The following CAMTA1 variants were observed in gnomAD, a reference collection of about 807,000 sequenced individuals.
CAMTA1 encodes the protein calmodulin-binding transcription activator 1.
Under a neutral mutation model 170.9 loss-of-function variants are expected in CAMTA1, and 27 were observed. The observed-to-expected ratio is 0.16, with a 90% CI of 0.12 to 0.22. The LOEUF (loss-of-function observed/expected upper bound fraction) is 0.22. Ranked by LOEUF, CAMTA1 falls within the 10% of genes least tolerant of loss-of-function variation. The pLI, the probability that CAMTA1 is intolerant of heterozygous loss-of-function variation, is 1.00. For synonymous variants in CAMTA1, 833 were observed against 891.5 expected, an observed-to-expected ratio of 0.93 and a Z score of 1.17; for missense variants, 1,619 against 2,217.2, an observed-to-expected ratio of 0.73 and a Z score of 5.42.
intron 4 of CAMTA1, among the ~76,000 whole-genome samples, chr1:7,227,606 G>A (rs1477374324): frequency 1.3e-5 from 2 of 152,214 alleles, no homozygotes; most frequent in Non-Finnish European, 2.9e-5. Context: ...TGGGATTACA[G>A]GCATGAGCCA....
At chr1:6,926,272 G>C (rs905872007) in intron 3 of CAMTA1, among the ~76,000 whole-genome samples, 2 of 151,758 alleles carry the variant, frequency 1.3e-5, no homozygotes, top group African/African-American at 4.8e-5. Context: ...TGTACTCCAA[G>C]TGCCTCAGTG....
intron 5 of CAMTA1, among the ~76,000 whole-genome samples, chr1:7,284,168 CTTCTTCTTCTTATTATTATTA>C (rs1369180046): frequency 1.3e-3 from 155 of 117,008 alleles, no homozygotes; most frequent in African/African-American, 4.4e-3. Flanking sequence ...TCTTCTTCTT[CTTCTTCTTCTTATTATTATTA>C]TTATTATTAT....
At chr1:7,160,498 C>T (rs1353695629) in intron 4 of CAMTA1, among the ~76,000 whole-genome samples, 1 of 152,022 alleles carries the variant, frequency 6.6e-6, no homozygotes, top group Non-Finnish European at 1.5e-5. Context: ...CAGACTCTTC[C>T]CTAGGCCCTC....
chr1:7,672,157 G>A lies in CAMTA1; in HGVS notation c.2779+1120G>A, dbSNP rs148867126. On this transcript the variant is annotated intron_variant, in intron 10 of 22. Transcript: ENST00000303635. ...GGGAGACCCACCCCTGTCCTCTAAC[G>A]TCAGGGAGCCTAGAAAGGAGAGAAG... The A allele has an allele frequency of 3.5e-3, 1,522 of 434,852 alleles. 4 individuals are homozygous for A. The highest frequency in any genetic ancestry group is 5.1e-3 in the Admixed American group (203 of 39,504). 26.9% of individuals were successfully genotyped at this position (434,852 alleles called of 1,614,324 possible). A position where few individuals can be genotyped will look rare whatever the true frequency, so the allele number is the denominator to read the frequency against.
chr1:7,682,369 G>C lies in CAMTA1; in HGVS notation c.2914+4636G>C, dbSNP rs1289267370. Among the ~76,000 whole-genome samples the C allele has an allele frequency of 6.6e-6, 1 of 152,248 alleles. No homozygotes were observed. Among genetic ancestry groups the C allele is most frequent in the Non-Finnish European group, 1.5e-5 (1 of 68,050 alleles). On this transcript the variant is annotated intron_variant, in intron 11 of 22. Transcript: ENST00000303635. The surrounding 1 kb of genome is among the most constrained non-coding windows in gnomAD (Gnocchi z 5.0). ...GCCTGGCCCTGGGGTAGGTGTCTGG[G>C]AAGACTGAGAGCCTCGCTCCTGTCT...
chr1:7,481,303 G>A (rs1040863779), intron 6 of CAMTA1, among the ~76,000 whole-genome samples: 5 of 152,194 alleles, frequency 3.3e-5, no homozygotes, highest in African/African-American at 1.2e-4. Context: ...CTGAAGACCT[G>A]TACCCTTGAC....
intron 3 of CAMTA1, among the ~76,000 whole-genome samples, chr1:7,059,799 A>G (rs1007721296): frequency 2.6e-5 from 4 of 152,220 alleles, no homozygotes; most frequent in African/African-American, 7.2e-5. Flanking sequence ...GGTGGTATTT[A>G]TTGAACTTTT....
At chr1:7,332,328 C>T (rs1001713248) in intron 5 of CAMTA1, among the ~76,000 whole-genome samples, 2 of 152,086 alleles carry the variant, frequency 1.3e-5, no homozygotes, top group Non-Finnish European at 1.5e-5. Flanking sequence ...TATGTTTTGT[C>T]GGTAAACAAA....
At chr1:6,804,421 T>C (rs1644274227) in intron 1 of CAMTA1, among the ~76,000 whole-genome samples, 1 of 152,156 alleles carries the variant, frequency 6.6e-6, no homozygotes, top group African/African-American at 2.4e-5. Flanking sequence ...ATTTACATGT[T>C]TCGTGCAACT....
At chr1:7,722,087 C>T (rs1558219119) in intron 11 of CAMTA1, among the ~76,000 whole-genome samples, 2 of 152,174 alleles carry the variant, frequency 1.3e-5, no homozygotes, top group Non-Finnish European at 2.9e-5. Flanking sequence ...CCTGGGAAAT[C>T]TGGCTAGGAG....
intron 5 of CAMTA1, among the ~76,000 whole-genome samples, chr1:7,355,218 AAAAAAG>A (rs1312639319): frequency 2.2e-4 from 33 of 151,460 alleles, no homozygotes; most frequent in African/African-American, 7.0e-4. Context: ...AAAAAAAAAA[AAAAAAG>A]AAAGAAAAAA....
intron 3 of CAMTA1, among the ~76,000 whole-genome samples, chr1:6,875,461 T>A (rs2149021736): frequency 6.6e-6 from 1 of 152,206 alleles, no homozygotes; most frequent in East Asian, 1.9e-4. Context: ...TTTTTTGTAT[T>A]TTTAGTAGAA....
intron 4 of CAMTA1, among the ~76,000 whole-genome samples, chr1:7,200,404 A>G (rs1656438770): frequency 6.6e-6 from 1 of 152,246 alleles, no homozygotes; most frequent in African/African-American, 2.4e-5. Flanking sequence ...TCCCTTACAG[A>G]AATTTCAACA....
At chr1:6,903,574 C>G (rs1677610563) in intron 3 of CAMTA1, among the ~76,000 whole-genome samples, 1 of 152,184 alleles carries the variant, frequency 6.6e-6, no homozygotes, top group African/African-American at 2.4e-5. Context: ...AGGAAAGACT[C>G]AGCTTGTGAT....
chr1:7,514,161 G>C (rs568430812), intron 6 of CAMTA1, among the ~76,000 whole-genome samples: 43 of 152,348 alleles, frequency 2.8e-4, no homozygotes, highest in African/African-American at 9.6e-4. Context: ...CCCAGAGAGG[G>C]AACAGTCCCT....
rs78560463 is a variant in CAMTA1 at position 7,067,714 on chromosome 1, G to A, written c.235-23590G>A. The stretch of plus-strand genomic sequence containing the variant: ...TGATGGTTTCCCCAATAGCATTCCC[G>A]TCTTATTTCTTGCCGACAGGACCTT... On this transcript the variant is annotated intron_variant, in intron 3 of 22. Coordinates refer to ENST00000303635, the MANE Select transcript of CAMTA1 (RefSeq NM_015215.4). This position sits in a 1 kb window ranked among gnomAD's most constrained non-coding sequence, Gnocchi z 4.3. 1.4e-4 allele frequency among the ~76,000 whole-genome samples: 21 copies of A among 152,238 alleles called. No homozygotes were observed. Among genetic ancestry groups the A allele is most frequent in the South Asian group, 1.0e-3 (5 of 4,818 alleles).
Position 7,635,371 on chromosome 1 carries a change from G to A in CAMTA1, c.511-5029G>A, listed in dbSNP as rs753081072. ...GCCTGTAATCCCAGCACTTTGGAAG[G>A]CCGAGGCAGGCAGATCACGAGATCG... On this transcript the variant is annotated intron_variant, in intron 6 of 22. Transcript: ENST00000303635. The surrounding 1 kb of genome is among the most constrained non-coding windows in gnomAD (Gnocchi z 4.4). Among the ~76,000 whole-genome samples, 1 of 152,104 alleles carries A rather than the reference G, an allele frequency of 6.6e-6. No individual in the cohort carries two copies. Among genetic ancestry groups the A allele is most frequent in the Non-Finnish European group, 1.5e-5 (1 of 68,012 alleles).
rs764656349 is a variant in CAMTA1, at chr1:7,736,294, G to C, written c.3067-50G>C. 4 of 1,517,448 alleles carry C rather than the reference G, an allele frequency of 2.6e-6. No individual in the cohort carries two copies. In the Admixed American group the frequency reaches 7.3e-5, roughly 28 times the overall value. The allele number at this position is 1,517,448 out of a possible 1,614,324, so 94.0% of individuals were successfully genotyped here. On this transcript the variant is annotated intron_variant, in intron 12 of 22. Coordinates refer to ENST00000303635, the MANE Select transcript of CAMTA1 (RefSeq NM_015215.4). This position sits in a 1 kb window ranked among gnomAD's most constrained non-coding sequence, Gnocchi z 4.5. ...TTCCCCTACATCGAAGCGCTGATGG[G>C]GTCGAGGGCCTTTAGTCCTGAGGTC...
At chr1:7,676,525 C>G (rs1194443781) in intron 10 of CAMTA1, among the ~76,000 whole-genome samples, 1 of 152,254 alleles carries the variant, frequency 6.6e-6, no homozygotes, top group Non-Finnish European at 1.5e-5. Context: ...AGATGGAGCT[C>G]TGCTTGTCCT....
Sources: allele counts gnomAD v4.1 joint callset (sites outside exome capture counted in the v4.1 genomes callset), GRCh38; gene constraint gnomAD v4.1.1; non-coding constraint Gnocchi (gnomAD v3.1); transcripts MANE v1.5; gene names NCBI Gene and HGNC (gene_info 2026-07-23, HGNC 2026-07-21).